Variants in KIAA1755 observed in about 807,000 individuals in gnomAD.
KIAA1755 encodes the protein uncharacterized protein KIAA1755.
KIAA1755 carries 68 observed loss-of-function variants against 91.7 expected under a neutral mutation model. The ratio of observed to expected loss-of-function variants is 0.74; its 90% confidence interval spans 0.61 to 0.91. The LOEUF (loss-of-function observed/expected upper bound fraction) is 0.91. Among genes scored for constraint, KIAA1755 ranks in the 40% least tolerant of loss-of-function variants. The pLI is 0.00. For missense variants in KIAA1755, 1,535 were observed against 1,494.4 expected (o/e 1.03, Z -0.45); for synonymous variants, 610 against 604.6 (o/e 1.01, Z -0.13).
chr20:38,255,652 C>G (rs1421305016), intron 1 of KIAA1755, among the ~76,000 whole-genome samples: 1 of 152,170 alleles, frequency 6.6e-6, no homozygotes, highest in Non-Finnish European at 1.5e-5. Context: ...TTGCTCACTT[C>G]CAACTAAAAC....
chr20:38,250,769 T>A (rs971528600), intron 1 of KIAA1755, among the ~76,000 whole-genome samples: 1 of 151,920 alleles, frequency 6.6e-6, no homozygotes, highest in East Asian at 1.9e-4. Context: ...AAACTGGCCC[T>A]ACTACCCTAG....
intron 1 of KIAA1755, among the ~76,000 whole-genome samples, chr20:38,248,471 A>G (rs1418096261): frequency 6.6e-6 from 1 of 152,102 alleles, no homozygotes; most frequent in East Asian, 1.9e-4. Flanking sequence ...GCAAGGTACT[A>G]TACTTGTGTA....
At chr20:38,259,526 TGTGTGAGAGA>T (rs908068535) in intron 1 of KIAA1755, among the ~76,000 whole-genome samples, 1 of 109,072 alleles carries the variant, frequency 9.2e-6, no homozygotes, top group African/African-American at 3.1e-5. Context: ...TGTGTGTGTG[TGTGTGAGAGA>T]GAGAGAGAGA....
Position 38,241,133 on chromosome 20 carries a change from C to T in KIAA1755, c.998G>A (p.Gly333Glu). 2 of 1,614,052 alleles carry T rather than the reference C, an allele frequency of 1.2e-6. No individual in the cohort carries two copies. Among genetic ancestry groups the T allele is most frequent in the Non-Finnish European group, 1.7e-6 (2 of 1,179,984 alleles). ...LSEANEGPSL[G>E]NRACTKPESS... Reference sequence around the variant, plus strand: ...TTCTGGCTTTGTGCAAGCCCGATTTCCCAAGGAAGGTCCTTCATTGGCCTC... The same window carrying T: ...TTCTGGCTTTGTGCAAGCCCGATTTTCCAAGGAAGGTCCTTCATTGGCCTC... The change falls in exon 3 of 14, where the codon GGA becomes GAA. Residue 333 changes from glycine to glutamate, a missense_variant. Gly to Glu is a moderately conservative substitution (Grantham distance 98). Coordinates refer to ENST00000279024, the MANE Select transcript of KIAA1755 (RefSeq NM_001029864.2).
chr20:38,245,999 C>G lies in KIAA1755; in HGVS notation c.131G>C (p.Gly44Ala). The G allele has an allele frequency of 6.2e-7, 1 of 1,614,168 alleles. No homozygotes were observed. Among genetic ancestry groups the G allele is most frequent in the East Asian group, 2.2e-5 (1 of 44,882 alleles). Residue 44 changes from glycine to alanine, a missense_variant, in exon 2 of 14, where the codon GGG (glycine) becomes GCG (alanine). Physicochemically the swap from Gly to Ala is moderately conservative, Grantham distance 60. Coordinates refer to ENST00000279024, the MANE Select transcript of KIAA1755 (RefSeq NM_001029864.2). ...RLLDSGFQGD[G>A]LSFLLDFLIP... The stretch of plus-strand genomic sequence containing the variant: ...CAGGAAATCCAGAAGGAAGCTCAGC[C>G]CATCCCCCTGGAAGCCAGAGTCCAG...
chr20:38,241,849 G>T lies in KIAA1755; in HGVS notation c.282C>A (p.Pro94=). 6.2e-7 allele frequency: 1 copy of T among 1,614,098 alleles called. No individual in the cohort carries two copies. Among genetic ancestry groups the T allele is most frequent in the East Asian group, 2.2e-5 (1 of 44,884 alleles). The stretch of plus-strand genomic sequence containing the variant: ...CCTGGCGCAATAAGAGAGGGTTGAG[G>T]GGTGCCAAGTGGACCACAACTTCAT... The part of the protein sequence containing the change: ...LRDEVVVHLA[P]LNPLLLRQGD... Residue 94 remains proline (P), a synonymous_variant, in exon 3 of 14, where the codon CCC becomes CCA. Transcript: ENST00000279024.
rs1057248890 is a variant in KIAA1755, at chr20:38,241,667, C to T, written c.464G>A (p.Ser155Asn). The change falls in exon 3 of 14, where the codon AGT (serine) becomes AAT (asparagine). Residue 155 changes from serine to asparagine, a missense_variant. Physicochemically the swap from Ser to Asn is conservative, Grantham distance 46. Coordinates refer to ENST00000279024, the MANE Select transcript of KIAA1755 (RefSeq NM_001029864.2). ...FTQEWLEAINSDFEGNPLHNC... is the reference protein window; with the variant it reads ...FTQEWLEAINNDFEGNPLHNC... ...GTGTAGGGGATTTCCCTCAAAGTCA[C>T]TGTTGATGGCCTCCAGCCATTCTTG... 13 of 1,614,092 alleles carry T rather than the reference C, an allele frequency of 8.1e-6. No individual in the cohort carries two copies. The highest frequency in any genetic ancestry group is 1.7e-5 in the Admixed American group (1 of 60,012).
At chr20:38,257,713 C>A (rs1043925541) in intron 1 of KIAA1755, among the ~76,000 whole-genome samples, 2 of 151,972 alleles carry the variant, frequency 1.3e-5, no homozygotes, top group African/African-American at 4.8e-5. Flanking sequence ...CCATTCCTCA[C>A]GATGACACCA....
intron 13 of KIAA1755, among the ~76,000 whole-genome samples, chr20:38,214,504 C>T (rs2075510903): frequency 1.3e-5 from 2 of 152,202 alleles, no homozygotes; most frequent in South Asian, 4.1e-4. Context: ...GCACCAGCAG[C>T]CCATTTCACA....
chr20:38,246,849 G>C (rs1302008152), intron 1 of KIAA1755, among the ~76,000 whole-genome samples: 1 of 152,078 alleles, frequency 6.6e-6, no homozygotes, highest in South Asian at 2.1e-4. Flanking sequence ...AGGCTCCTAG[G>C]CCAGAAATCT....
intron 13 of KIAA1755, 131 bp from the exon 14 acceptor site, chr20:38,213,874 C>A: frequency 1.6e-6 from 1 of 608,102 alleles, no homozygotes; most frequent in Non-Finnish European, 2.7e-6. Context: ...CCATGATGAC[C>A]CTGGTTTCCC....
In KIAA1755 at chr20:38,217,247, G is replaced by T; in HGVS notation, c.2901+6C>A. ...GGTATCTGTGCAGGTGGGCCGCGGG[G>T]CTCACCCTCTTGCAGAAGCGGTGCA... On this transcript the variant is annotated splice_donor_region_variant and intron_variant, in intron 13 of 13. Coordinates refer to ENST00000279024, the MANE Select transcript of KIAA1755 (RefSeq NM_001029864.2). The T allele has an allele frequency of 6.3e-7, 1 of 1,590,108 alleles. No homozygotes were observed.
intron 11 of KIAA1755, 44 bp downstream of exon 11, chr20:38,219,586 G>C: frequency 6.2e-7 from 1 of 1,609,656 alleles, no homozygotes; most frequent in Non-Finnish European, 8.5e-7. Context: ...TGTGGAATGT[G>C]GCCAGGCAGA....
chr20:38,230,695 C>A (rs2075844744), intron 5 of KIAA1755, among the ~76,000 whole-genome samples: 1 of 152,150 alleles, frequency 6.6e-6, no homozygotes, highest in African/African-American at 2.4e-5. Flanking sequence ...TCAAGACCAG[C>A]CTGACCAACA....
intron 2 of KIAA1755, among the ~76,000 whole-genome samples, chr20:38,243,024 G>A (rs1042700047): frequency 6.6e-6 from 1 of 152,214 alleles, no homozygotes; most frequent in African/African-American, 2.4e-5. Flanking sequence ...TGTCCACTGG[G>A]CTGTGCGGGA....
intron 4 of KIAA1755, among the ~76,000 whole-genome samples, chr20:38,234,764 C>T (rs1034866220): frequency 2.0e-5 from 3 of 152,192 alleles, no homozygotes; most frequent in African/African-American, 7.2e-5. Context: ...GGAACAGGGC[C>T]CTGCACACAC....
chr20:38,212,940 TG>T lies in KIAA1755; in HGVS notation c.*101del. The T allele has an allele frequency of 3.6e-6, 3 of 844,718 alleles. No individual in the cohort carries two copies. Among genetic ancestry groups the T allele is most frequent in the Non-Finnish European group, 5.4e-6 (3 of 554,056 alleles). The allele number at this position is 844,718 out of a possible 1,614,324, so 52.3% of individuals were successfully genotyped here. A position where few individuals can be genotyped will look rare whatever the true frequency, so the allele number is the denominator to read the frequency against. Reference sequence around the variant, plus strand: ...GGCAGAATGTAAAACCAGTGCTCCATGGTGACGTCTCACTGGGACTGACCAG... The same window carrying T: ...GGCAGAATGTAAAACCAGTGCTCCATGTGACGTCTCACTGGGACTGACCAG... On this transcript the variant is annotated 3_prime_UTR_variant, in exon 14 of 14. Transcript: ENST00000279024.
rs747909407 is a variant in KIAA1755, at chr20:38,213,443, G to T, written c.3202C>A (p.Pro1068Thr). 18 of 1,602,094 alleles carry T rather than the reference G, an allele frequency of 1.1e-5. No homozygotes were observed. The highest frequency in any genetic ancestry group is 1.5e-5 in the Non-Finnish European group (18 of 1,174,348). ...TTGGCTGCCACCCCTCTTCGTTCTG[G>T]GCGCGCTGAGTGAGCAGCTGGAGCC... Reference protein sequence around the residue: ...PEAPAAHSARPERRGVAAKGQ... With the variant: ...PEAPAAHSARTERRGVAAKGQ... Residue 1068 changes from proline to threonine, a missense_variant, in exon 14 of 14, where the codon CCA becomes ACA. By Grantham distance (38) the Pro-to-Thr change is conservative. Transcript: ENST00000279024.
In KIAA1755 at chr20:38,241,442, GCA is replaced by G. The variant is rs2076062629; in HGVS notation, c.687_688del (p.Ala230ProfsTer7). 6.2e-7 allele frequency: 1 copy of G among 1,614,102 alleles called. No homozygotes were observed. Among genetic ancestry groups the G allele is most frequent in the South Asian group, 1.1e-5 (1 of 91,092 alleles). ...GCCCTTACCCTTGGCCAAACTCTGG[GCA>G]GGAAGCACCTGGTTGTCTGGGGAGC... On this transcript the variant is annotated frameshift_variant, in exon 3 of 14. Transcript: ENST00000279024. LOFTEE classifies it high-confidence loss of function.
Sources: allele counts gnomAD v4.1 joint callset (sites outside exome capture counted in the v4.1 genomes callset), GRCh38; gene constraint gnomAD v4.1.1; transcripts MANE v1.5; gene names NCBI Gene and HGNC (gene_info 2026-07-23, HGNC 2026-07-21).